Variants in SGCZ observed in about 807,000 individuals in gnomAD.
SGCZ encodes zeta-sarcoglycan.
Under a neutral mutation model 41.3 loss-of-function variants are expected in SGCZ, and 40 were observed. That is an observed-to-expected ratio of 0.97 (90% CI 0.75 to 1.26). The LOEUF (loss-of-function observed/expected upper bound fraction) is 1.26, where lower values mean the gene tolerates loss of function less well. SGCZ is among the 50% of genes most tolerant of loss of function. SGCZ has a pLI of 0.00. For synonymous variants in SGCZ, 206 were observed against 137.5 expected, an observed-to-expected ratio of 1.50 and a Z score of -3.49; for missense variants, 552 against 369.8, an observed-to-expected ratio of 1.49 and a Z score of -4.04.
At chr8:14,150,278 C>G (rs1247671605) in intron 5 of SGCZ, among the ~76,000 whole-genome samples, 4 of 151,970 alleles carry the variant, frequency 2.6e-5, no homozygotes, top group Admixed American at 6.6e-5. Context: ...TGCAAACTAC[C>G]CATCTGACAA....
chr8:14,297,953 A>G (rs1801067988), intron 3 of SGCZ, among the ~76,000 whole-genome samples: 1 of 152,104 alleles, frequency 6.6e-6, no homozygotes, highest in South Asian at 2.1e-4. Context: ...ATGAAGTTAC[A>G]AAACATTCTT....
chr8:14,994,354 CG>C (rs1563419303), intron 1 of SGCZ, among the ~76,000 whole-genome samples: 1 of 152,032 alleles, frequency 6.6e-6, no homozygotes, highest in Admixed American at 6.6e-5. Context: ...GAGGCCGAGG[CG>C]GGCAGATTGC....
At chr8:14,149,326 G>T (rs1194461395) in intron 5 of SGCZ, among the ~76,000 whole-genome samples, 1 of 151,814 alleles carries the variant, frequency 6.6e-6, no homozygotes, top group Admixed American at 6.6e-5. Context: ...TAAATTTATG[G>T]AATTTGCAGG....
chr8:14,807,245 G>C (rs1253188016), intron 1 of SGCZ, among the ~76,000 whole-genome samples: 1 of 152,076 alleles, frequency 6.6e-6, no homozygotes, highest in Non-Finnish European at 1.5e-5. Context: ...TTAGGCAGGA[G>C]AAAGAAATAA....
At chr8:14,887,155 A>G (rs1804839920) in intron 1 of SGCZ, among the ~76,000 whole-genome samples, 1 of 152,304 alleles carries the variant, frequency 6.6e-6, no homozygotes, top group Non-Finnish European at 1.5e-5. Flanking sequence ...AGACAAATAT[A>G]CAAGTCTGGA....
At chr8:15,186,604 T>C (rs73207304) in intron 1 of SGCZ, among the ~76,000 whole-genome samples, 4 of 152,290 alleles carry the variant, frequency 2.6e-5, no homozygotes, top group Non-Finnish European at 5.9e-5. Context: ...TAATTTATCT[T>C]CAAAAGATGG....
chr8:14,121,684 T>C (rs1229701950), intron 5 of SGCZ, among the ~76,000 whole-genome samples: 2 of 152,168 alleles, frequency 1.3e-5, no homozygotes, highest in Non-Finnish European at 2.9e-5. Context: ...AGTGTGACAG[T>C]ATATAGTTTC....
chr8:15,039,133 G>A (rs1803981472), intron 1 of SGCZ, among the ~76,000 whole-genome samples: 2 of 152,062 alleles, frequency 1.3e-5, no homozygotes, highest in Non-Finnish European at 2.9e-5. Context: ...CCGGTATATA[G>A]CCAAAGGAAA....
chr8:14,302,702 G>A (rs73666515), intron 3 of SGCZ, among the ~76,000 whole-genome samples: 2,720 of 152,166 alleles, frequency 0.018, 87 homozygotes, highest in African/African-American at 0.062. Flanking sequence ...TGGGATTCAA[G>A]CTTCACCTGT....
intron 1 of SGCZ, among the ~76,000 whole-genome samples, chr8:15,191,497 A>G (rs1372410492): frequency 6.6e-6 from 1 of 152,054 alleles, no homozygotes; most frequent in Non-Finnish European, 1.5e-5. Flanking sequence ...AAGGTTTTAA[A>G]GAAAACCTTA....
intron 1 of SGCZ, among the ~76,000 whole-genome samples, chr8:15,064,319 T>C (rs9657250): frequency 0.63 from 96,056 of 151,902 alleles, 32,049 homozygotes; most frequent in East Asian, 0.92. Flanking sequence ...ATGAATGACA[T>C]CATCATTTTT....
chr8:14,179,066 G>A (rs556525166), intron 4 of SGCZ, among the ~76,000 whole-genome samples: 7 of 152,088 alleles, frequency 4.6e-5, no homozygotes, highest in South Asian at 4.1e-4. Flanking sequence ...CACTTGCCCC[G>A]GCCAAGGCAG....
At chr8:14,303,147 C>T (rs552552108) in intron 3 of SGCZ, among the ~76,000 whole-genome samples, 6 of 152,176 alleles carry the variant, frequency 3.9e-5, no homozygotes, top group Admixed American at 6.5e-5. Context: ...AGAAAATAAA[C>T]GTATATTAAA....
intron 1 of SGCZ, among the ~76,000 whole-genome samples, chr8:14,988,377 C>A (rs1235858401): frequency 6.6e-6 from 1 of 151,830 alleles, no homozygotes; most frequent in Non-Finnish European, 1.5e-5. Context: ...TTTTTAAAGT[C>A]AATGGAGATT....
chr8:14,485,890 G>A (rs1262770865), intron 2 of SGCZ, among the ~76,000 whole-genome samples: 5 of 139,930 alleles, frequency 3.6e-5, no homozygotes, highest in African/African-American at 1.0e-4. Context: ...GCCGGACTGC[G>A]GACTGCAGTG....
chr8:14,626,628 TGAAATTTGAACATGAA>T (rs1806463734), intron 1 of SGCZ, among the ~76,000 whole-genome samples: 1 of 152,046 alleles, frequency 6.6e-6, no homozygotes, highest in African/African-American at 2.4e-5. Flanking sequence ...CATAAAAAGA[TGAAATTTGAACATGAA>T]GATGAAGACA....
intron 1 of SGCZ, among the ~76,000 whole-genome samples, chr8:14,637,497 G>C (rs1281135478): frequency 6.6e-6 from 1 of 151,592 alleles, no homozygotes; most frequent in African/African-American, 2.4e-5. Flanking sequence ...GCAGTCACCA[G>C]TATCTATTGT....
intron 1 of SGCZ, among the ~76,000 whole-genome samples, chr8:14,643,748 A>G (rs1438425080): frequency 6.6e-6 from 1 of 151,756 alleles, no homozygotes; most frequent in Non-Finnish European, 1.5e-5. Context: ...CCTGTCTTGC[A>G]TAATATAGTA....
At chr8:14,385,219 G>A (rs1437485004) in intron 2 of SGCZ, among the ~76,000 whole-genome samples, 1 of 152,114 alleles carries the variant, frequency 6.6e-6, no homozygotes, top group East Asian at 1.9e-4. Context: ...ATGCGCACAG[G>A]TGGACTCATG....
Sources: gnomAD v4.1 joint callset for allele counts (sites outside exome capture counted in the v4.1 genomes callset) on GRCh38, gnomAD v4.1.1 for gene constraint, MANE v1.5 for transcripts, NCBI Gene and HGNC (gene_info 2026-07-23, HGNC 2026-07-21) for gene names.